Variants in CTNNA2 observed in about 807,000 individuals in gnomAD.
The protein encoded by CTNNA2 is catenin alpha-2.
In CTNNA2, 42 loss-of-function variants were observed where a neutral mutation model predicts 101.0. The observed-to-expected ratio is 0.42, with a 90% confidence interval of 0.32 to 0.54. CTNNA2 has a LOEUF of 0.54. Ranked by LOEUF, CTNNA2 falls within the 20% of genes least tolerant of loss-of-function variation. The pLI is 0.14. For missense variants in CTNNA2, 871 were observed against 1,223.1 expected (o/e 0.71, Z 4.29); for synonymous variants, 450 against 456.4 (o/e 0.99, Z 0.18).
intron 1 of CTNNA2, among the ~76,000 whole-genome samples, chr2:79,189,764 T>A (rs946077183): frequency 6.6e-6 from 1 of 152,204 alleles, no homozygotes; most frequent in African/African-American, 2.4e-5. Flanking sequence ...CCATTTCTTC[T>A]TGATGATTAC....
At chr2:79,966,029 C>T (rs1367649711) in intron 7 of CTNNA2, among the ~76,000 whole-genome samples, 1 of 151,844 alleles carries the variant, frequency 6.6e-6, no homozygotes, top group African/African-American at 2.4e-5. Context: ...GGGTATGTTA[C>T]TATTTGCTGT....
chr2:80,643,161 G>A (rs1314883937), intron 18 of CTNNA2, among the ~76,000 whole-genome samples: 7 of 152,122 alleles, frequency 4.6e-5, no homozygotes, highest in Non-Finnish European at 7.4e-5. Context: ...CCTATGGGAT[G>A]GAATAGGGAG....
intron 7 of CTNNA2, among the ~76,000 whole-genome samples, chr2:80,022,946 A>G (rs1234871180): frequency 3.3e-5 from 5 of 152,200 alleles, no homozygotes; most frequent in Non-Finnish European, 7.3e-5. Context: ...TCTCCCTCCA[A>G]TGGAAAGACA....
intron 2 of CTNNA2, among the ~76,000 whole-genome samples, chr2:79,230,313 A>T (rs1674473667): frequency 6.6e-6 from 1 of 152,180 alleles, no homozygotes; most frequent in African/African-American, 2.4e-5. Context: ...GGGACTTAGC[A>T]TCCTGCTTCC....
At chr2:80,200,487 T>A (rs1161521263) in intron 7 of CTNNA2, among the ~76,000 whole-genome samples, 1 of 152,006 alleles carries the variant, frequency 6.6e-6, no homozygotes, top group Non-Finnish European at 1.5e-5. Context: ...ATTTGTATTT[T>A]ATATAAACCT....
intron 1 of CTNNA2, among the ~76,000 whole-genome samples, chr2:79,556,799 T>C (rs960989987): frequency 1.3e-5 from 2 of 152,026 alleles, no homozygotes; most frequent in African/African-American, 4.8e-5. Flanking sequence ...TTGGAGCTGG[T>C]AAAGCAGTGT....
At chr2:79,248,748 A>G (rs1286796298) in intron 2 of CTNNA2, among the ~76,000 whole-genome samples, 1 of 152,214 alleles carries the variant, frequency 6.6e-6, no homozygotes, top group Non-Finnish European at 1.5e-5. Context: ...AATGATACAT[A>G]GCACTGGATT....
chr2:79,538,972 G>A (rs547914355), intron 1 of CTNNA2, among the ~76,000 whole-genome samples: 1 of 152,270 alleles, frequency 6.6e-6, no homozygotes, highest in South Asian at 2.1e-4. Context: ...CTTGAGAATG[G>A]AATAACCTAG....
chr2:80,159,305 T>G (rs1176068619), intron 7 of CTNNA2, among the ~76,000 whole-genome samples: 2 of 152,198 alleles, frequency 1.3e-5, no homozygotes, highest in Non-Finnish European at 2.9e-5. Context: ...GTTGTTTAGT[T>G]TTTTAAGAAA....
At position 79,834,074 on chromosome 2, in the gene CTNNA2, C is replaced by T. The variant is rs200435862; in HGVS notation, c.299-23939C>T. On this transcript the variant is annotated intron_variant, in intron 3 of 18. Coordinates refer to ENST00000402739, the MANE Select transcript of CTNNA2 (RefSeq NM_001282597.3). ...ATTGCACTAAACAATTTCTGCTGCA[C>T]ATTTCCTTGTGGAGAAGTATGAGAG... Among the ~76,000 whole-genome samples, 12 of 152,280 alleles carry T rather than the reference C, an allele frequency of 7.9e-5. No homozygotes were observed. In the East Asian group the frequency reaches 1.9e-3, roughly 24 times the overall value.
chr2:79,930,318 AAG>A (rs1477051391), intron 7 of CTNNA2, among the ~76,000 whole-genome samples: 1 of 137,714 alleles, frequency 7.3e-6, no homozygotes, highest in African/African-American at 2.9e-5. Flanking sequence ...GAAAGAAAGA[AAG>A]AAAGAAAGAA....
intron 1 of CTNNA2, chr2:79,649,237 C>T (rs2104462225): frequency 6.5e-6 from 1 of 154,788 alleles, no homozygotes; most frequent in Middle Eastern, 5.2e-4. Context: ...TTTTATGTGC[C>T]TTCCTTGATC....
chr2:80,334,585 C>T (rs1037267042), intron 7 of CTNNA2, among the ~76,000 whole-genome samples: 1 of 151,978 alleles, frequency 6.6e-6, no homozygotes, highest in Non-Finnish European at 1.5e-5. Context: ...CTACATTTCT[C>T]AGACATCCCA....
At chr2:79,412,285 T>C (rs1214423391) in intron 4 of CTNNA2, among the ~76,000 whole-genome samples, 7 of 151,874 alleles carry the variant, frequency 4.6e-5, no homozygotes, top group Non-Finnish European at 8.8e-5. Flanking sequence ...GACTCCCACA[T>C]AATAATAATG....
At chr2:79,982,343 T>C (rs1691406227) in intron 7 of CTNNA2, among the ~76,000 whole-genome samples, 1 of 108,650 alleles carries the variant, frequency 9.2e-6, no homozygotes, top group South Asian at 3.0e-4. Flanking sequence ...ATAAAACATA[T>C]ATAACCTATA....
At chr2:79,235,372 T>G (rs1572992344) in intron 2 of CTNNA2, among the ~76,000 whole-genome samples, 2 of 152,192 alleles carry the variant, frequency 1.3e-5, no homozygotes, top group Admixed American at 6.5e-5. Flanking sequence ...GCTCTTACTC[T>G]GCTGCATGGC....
chr2:80,131,096 C>T (rs1056037408), intron 7 of CTNNA2, among the ~76,000 whole-genome samples: 1 of 152,020 alleles, frequency 6.6e-6, no homozygotes, highest in Non-Finnish European at 1.5e-5. Context: ...CTGTCTCTGT[C>T]GCCCAGGTTG....
intron 15 of CTNNA2, among the ~76,000 whole-genome samples, chr2:80,593,669 C>T (rs1696704334): frequency 6.6e-6 from 1 of 152,166 alleles, no homozygotes; most frequent in South Asian, 2.1e-4. Flanking sequence ...CATCTGCCTT[C>T]CATTTCTATG....
intron 2 of CTNNA2, among the ~76,000 whole-genome samples, chr2:79,703,608 G>A (rs1032731146): frequency 1.3e-5 from 2 of 152,144 alleles, no homozygotes; most frequent in Non-Finnish European, 2.9e-5. Context: ...AGGTACATCT[G>A]TCAATCCTGC....
Sources: allele counts gnomAD v4.1 joint callset (sites outside exome capture counted in the v4.1 genomes callset), GRCh38; gene constraint gnomAD v4.1.1; transcripts MANE v1.5; gene names NCBI Gene and HGNC (gene_info 2026-07-23, HGNC 2026-07-21).